Variants in PCDHGA3 observed in about 807,000 individuals in gnomAD.
PCDHGA3 encodes protocadherin gamma subfamily A, 3.
PCDHGA3 carries 40 observed loss-of-function variants against 58.5 expected under a neutral mutation model. The observed-to-expected ratio is 0.68, with a 90% CI of 0.53 to 0.89. The LOEUF is 0.89. PCDHGA3 is among the 40% of genes least tolerant of loss of function. The pLI is 0.00. For missense variants in PCDHGA3, 1,223 were observed against 1,195.9 expected, an observed-to-expected ratio of 1.02 and a Z score of -0.33; for synonymous variants, 530 against 525.7, an observed-to-expected ratio of 1.01 and a Z score of -0.11.
At chr5:141,497,060 G>T (rs1244885752) in intron 2 of PCDHGA3, among the ~76,000 whole-genome samples, 1 of 151,952 alleles carries the variant, frequency 6.6e-6, no homozygotes, top group Non-Finnish European at 1.5e-5. Context: ...GTGGTGGCAG[G>T]CACCTGTAAT....
At chr5:141,421,994 T>A (rs765586654) in intron 1 of PCDHGA3, 3 of 1,608,922 alleles carry the variant, frequency 1.9e-6, no homozygotes, top group Non-Finnish European at 2.5e-6. Flanking sequence ...CCAGAAAACA[T>A]CAGCTCCGGA....
At chr5:141,408,019 A>G (rs1589652051) in intron 1 of PCDHGA3, 1 of 1,031,592 alleles carries the variant, frequency 9.7e-7, no homozygotes, top group Admixed American at 3.2e-5. Context: ...GCAGCCAACA[A>G]CAGAAAGAAG....
intron 1 of PCDHGA3, among the ~76,000 whole-genome samples, chr5:141,483,526 G>A (rs2099582495): frequency 6.6e-6 from 1 of 152,118 alleles, no homozygotes; most frequent in African/African-American, 2.4e-5. Flanking sequence ...TCCTGACTAA[G>A]GAAGCTGGGT....
Position 141,476,977 on chromosome 5 carries a change from C to A in PCDHGA3, c.2425-17830C>A, listed in dbSNP as rs141692339. On this transcript the variant is annotated intron_variant, in intron 1 of 3. Coordinates refer to ENST00000253812, the MANE Select transcript of PCDHGA3 (RefSeq NM_018916.4). The surrounding 1 kb of genome is among the most constrained non-coding windows in gnomAD (Gnocchi z 7.6). The stretch of plus-strand genomic sequence containing the variant: ...TTATTTACTCCTTCGGCAGCCACAA[C>A]CGCGCCGGCGTGCGGCAACTATTCG... 6.2e-7 allele frequency: 1 copy of A among 1,614,232 alleles called. No individual in the cohort carries two copies. The highest frequency in any genetic ancestry group is 8.5e-7 in the Non-Finnish European group (1 of 1,180,040).
rs200868391 is a variant in PCDHGA3 at position 141,415,586 on chromosome 5, C to T, written c.2424+69129C>T. 540 of 1,613,746 alleles carry T rather than the reference C, an allele frequency of 3.3e-4. No individual in the cohort carries two copies. Among genetic ancestry groups the T allele is most frequent in the Non-Finnish European group, 4.5e-4 (527 of 1,179,996 alleles). ...TCTTTGTTAGATGATTCGAAGTTTCCTATAGAGGATACCCCATTGGTTCCA... is the reference window on the plus strand; with the variant it reads ...TCTTTGTTAGATGATTCGAAGTTTCTTATAGAGGATACCCCATTGGTTCCA... On this transcript the variant is annotated intron_variant, in intron 1 of 3. Coordinates refer to ENST00000253812, the MANE Select transcript of PCDHGA3 (RefSeq NM_018916.4).
At chr5:141,404,112 A>G (rs372014000) in intron 1 of PCDHGA3, 3 of 1,613,380 alleles carry the variant, frequency 1.9e-6, no homozygotes, top group Non-Finnish European at 2.5e-6. Context: ...TGTTCTATCC[A>G]GGAGAATCTA....
chr5:141,417,936 A>G (rs1266177574), intron 1 of PCDHGA3: 3 of 1,612,080 alleles, frequency 1.9e-6, no homozygotes, highest in Non-Finnish European at 1.7e-6. Flanking sequence ...CCTTTGTTCT[A>G]CCCCACGCTG....
At chr5:141,346,660 A>C (rs1014297153) in intron 1 of PCDHGA3, 1 of 742,914 alleles carries the variant, frequency 1.3e-6, no homozygotes, top group African/African-American at 1.8e-5. Context: ...TAGGGAAAAA[A>C]TAATACATCG....
chr5:141,362,773 A>G, intron 1 of PCDHGA3: 3 of 612,462 alleles, frequency 4.9e-6, no homozygotes, highest in South Asian at 4.6e-5. Context: ...GAGATATTGC[A>G]CTGTATTTCT....
At chr5:141,443,050 T>C (rs1290373918) in intron 1 of PCDHGA3, among the ~76,000 whole-genome samples, 1 of 152,236 alleles carries the variant, frequency 6.6e-6, no homozygotes, top group Non-Finnish European at 1.5e-5. Flanking sequence ...AAAATTATTG[T>C]TCCACTGAAG....
At chr5:141,350,576 GT>G (rs1561497816) in intron 1 of PCDHGA3, 2 of 1,614,038 alleles carry the variant, frequency 1.2e-6, no homozygotes, top group South Asian at 2.2e-5. Context: ...ATTCGAAACG[GT>G]CGCTGAAAAC....
chr5:141,496,513 G>A (rs1364297990), intron 2 of PCDHGA3, among the ~76,000 whole-genome samples: 1 of 152,140 alleles, frequency 6.6e-6, no homozygotes, highest in Non-Finnish European at 1.5e-5. Context: ...CAAGGACCCA[G>A]GAGCCCTTGG....
chr5:141,491,312 C>T lies in PCDHGA3; in HGVS notation c.2425-3495C>T, dbSNP rs749198887. The stretch of plus-strand genomic sequence containing the variant: ...CACCCTCCTGAGCGTTCAGACCTTA[C>T]CCTTTACCTCATTGTGGCTCTAGCG... On this transcript the variant is annotated intron_variant, in intron 1 of 3. Transcript: ENST00000253812. The surrounding 1 kb of genome is among the most constrained non-coding windows in gnomAD (Gnocchi z 6.9). 3 of 1,614,170 alleles carry T rather than the reference C, an allele frequency of 1.9e-6. No individual in the cohort carries two copies. Among genetic ancestry groups the T allele is most frequent in the East Asian group, 4.5e-5 (2 of 44,878 alleles).
intron 1 of PCDHGA3, among the ~76,000 whole-genome samples, chr5:141,492,949 A>G (rs1470301496): frequency 6.6e-6 from 1 of 152,226 alleles, no homozygotes; most frequent in African/African-American, 2.4e-5. Flanking sequence ...GGAGGTGACC[A>G]AACTATCTGA....
intron 1 of PCDHGA3, among the ~76,000 whole-genome samples, chr5:141,348,418 G>A (rs1041467731): frequency 6.6e-6 from 1 of 152,046 alleles, no homozygotes; most frequent in Non-Finnish European, 1.5e-5. Flanking sequence ...AAAAAGGCAC[G>A]TAACTTTTAA....
chr5:141,420,197 A>C (rs760921171), intron 1 of PCDHGA3: 2 of 1,613,630 alleles, frequency 1.2e-6, no homozygotes, highest in South Asian at 2.2e-5. Context: ...CACACAAGAT[A>C]ACCTCAACAA....
chr5:141,410,844 TTTGTC>T, intron 1 of PCDHGA3: 1 of 422,400 alleles, frequency 2.4e-6, no homozygotes, highest in Non-Finnish European at 3.9e-6. Context: ...ATATTTTGTC[TTTGTC>T]TTTTTTTTTT....
At chr5:141,395,497 A>T in intron 1 of PCDHGA3, 1 of 472,724 alleles carries the variant, frequency 2.1e-6, no homozygotes, top group Non-Finnish European at 3.7e-6. Flanking sequence ...TCACTCATTC[A>T]CTTAAGAAGT....
intron 1 of PCDHGA3, chr5:141,410,447 C>G (rs760711107): frequency 1.2e-6 from 2 of 1,613,984 alleles, no homozygotes; most frequent in Non-Finnish European, 1.7e-6. Context: ...GGGGACTTTG[C>G]CTTATTCTTA....
Sources: gnomAD v4.1 joint callset for allele counts (sites outside exome capture counted in the v4.1 genomes callset) on GRCh38, gnomAD v4.1.1 for gene constraint, Gnocchi (gnomAD v3.1) non-coding constraint, MANE v1.5 for transcripts, NCBI Gene and HGNC (gene_info 2026-07-23, HGNC 2026-07-21) for gene names.